Variants in TGM4 observed in about 807,000 individuals in gnomAD.
TGM4 encodes the protein transglutaminase 4.
Under a neutral mutation model 76.3 loss-of-function variants are expected in TGM4, and 61 were observed. The ratio of observed to expected loss-of-function variants is 0.80; its 90% CI spans 0.65 to 0.99. The LOEUF is 0.99. Ranked by LOEUF, TGM4 falls within the 50% of genes least tolerant of loss-of-function variation. The pLI is 0.00. For missense variants in TGM4, 794 were observed against 843.2 expected, an observed-to-expected ratio of 0.94 and a Z score of 0.72; for synonymous variants, 337 against 329.8, an observed-to-expected ratio of 1.02 and a Z score of -0.24.
At chr3:44,881,254 C>G (rs1699528383) in intron 1 of TGM4, among the ~76,000 whole-genome samples, 1 of 151,752 alleles carries the variant, frequency 6.6e-6, no homozygotes, top group African/African-American at 2.4e-5. Flanking sequence ...TATTTTTTGT[C>G]CTGATCATTT....
intron 3 of TGM4, chr3:44,888,584 CATGAAA>C (rs1575715157): frequency 3.3e-5 from 5 of 152,304 alleles, no homozygotes; most frequent in Admixed American, 6.5e-5. Context: ...TTCAGGGTAT[CATGAAA>C]ATCTCTCCTG....
In TGM4 at chr3:44,913,966, T is replaced by C; in HGVS notation, c.*241T>C. 1 of 432,170 alleles carries C rather than the reference T, an allele frequency of 2.3e-6. No individual in the cohort carries two copies. The allele number at this position is 432,170 out of a possible 1,614,324, so 26.8% of individuals were successfully genotyped here. ...CCGAGGCCACAGAATCCCATCCCTT[T>C]CCTGAGTCATGGCCTCAAAAATCAG... On this transcript the variant is annotated 3_prime_UTR_variant, in exon 14 of 14. Transcript: ENST00000296125.
chr3:44,891,268 T>C (rs1372634812), intron 4 of TGM4, among the ~76,000 whole-genome samples: 1 of 152,170 alleles, frequency 6.6e-6, no homozygotes, highest in Non-Finnish European at 1.5e-5. Flanking sequence ...TGCGGCACAT[T>C]CTATGTCAAC....
intron 6 of TGM4, among the ~76,000 whole-genome samples, chr3:44,900,366 G>C (rs1699836764): frequency 6.6e-6 from 1 of 152,186 alleles, no homozygotes; most frequent in South Asian, 2.1e-4. Context: ...TCTTGAGTCT[G>C]GCGGTGGCCT....
At position 44,913,902 on chromosome 3, in the gene TGM4, C is replaced by T; in HGVS notation, c.*177C>T. On this transcript the variant is annotated 3_prime_UTR_variant, in exon 14 of 14. Transcript: ENST00000296125. ...CAGACCCACAAGGCCAGGTCCTGTGCTATCACAGGGTCACCTCTTTTACAG... is the reference window on the plus strand; with the variant it reads ...CAGACCCACAAGGCCAGGTCCTGTGTTATCACAGGGTCACCTCTTTTACAG... The T allele has an allele frequency of 1.3e-6, 1 of 753,912 alleles. No individual in the cohort carries two copies. The highest frequency in any genetic ancestry group is 2.1e-6 in the Non-Finnish European group (1 of 483,946). The allele number at this position is 753,912 out of a possible 1,614,324, so 46.7% of individuals were successfully genotyped here. A position where few individuals can be genotyped will look rare whatever the true frequency, so the allele number is the denominator to read the frequency against.
intron 13 of TGM4, among the ~76,000 whole-genome samples, chr3:44,912,276 T>C (rs1202855897): frequency 6.6e-6 from 1 of 152,248 alleles, no homozygotes; most frequent in African/African-American, 2.4e-5. Context: ...TCTTATGCTT[T>C]TTCTAGAATT....
chr3:44,901,702 A>G lies in TGM4; in HGVS notation c.832+4A>G, dbSNP rs374296031. 308 of 1,613,368 alleles carry G rather than the reference A, an allele frequency of 1.9e-4. No individual in the cohort carries two copies. The highest frequency in any genetic ancestry group is 2.3e-4 in the Non-Finnish European group (269 of 1,179,384). The stretch of plus-strand genomic sequence containing the variant: ...TTTGCTGGGATCCTGACTACAGGTA[A>G]GTGGCAGATCCAGGGGCTGAGGGGA... On this transcript the variant is annotated splice_donor_region_variant and intron_variant, in intron 7 of 13. Coordinates refer to ENST00000296125, the MANE Select transcript of TGM4 (RefSeq NM_003241.4).
intron 9 of TGM4, among the ~76,000 whole-genome samples, chr3:44,904,443 T>C (rs1195141189): frequency 1.3e-5 from 2 of 152,126 alleles, no homozygotes; most frequent in African/African-American, 4.8e-5. Context: ...TCTCAGCTGG[T>C]TATGGGTTAC....
chr3:44,908,378 T>TG (rs1259165432), intron 10 of TGM4, among the ~76,000 whole-genome samples: 5 of 151,998 alleles, frequency 3.3e-5, no homozygotes, highest in African/African-American at 1.2e-4. Context: ...AGGAGTGTTT[T>TG]TTTTTGTTTT....
chr3:44,877,522 TTCA>T (rs1044887965), intron 1 of TGM4, among the ~76,000 whole-genome samples: 22 of 151,824 alleles, frequency 1.4e-4, no homozygotes, highest in African/African-American at 5.1e-4. Context: ...GCTACTCAGG[TTCA>T]AGGCTGCAGT....
rs532206023 is a variant in TGM4 at position 44,914,353 on chromosome 3, C to G, written c.*628C>G. Reference sequence around the variant, plus strand: ...ACCCTGTCCTCAGGCCTGAACTCACCATAGAGACCCATGTCAGCAAACGGT... The same window carrying G: ...ACCCTGTCCTCAGGCCTGAACTCACGATAGAGACCCATGTCAGCAAACGGT... On this transcript the variant is annotated 3_prime_UTR_variant, in exon 14 of 14. Coordinates refer to ENST00000296125, the MANE Select transcript of TGM4 (RefSeq NM_003241.4). 1 of 152,382 alleles carries G rather than the reference C, an allele frequency of 6.6e-6. No homozygotes were observed. Among genetic ancestry groups the G allele is most frequent in the African/African-American group, 2.4e-5 (1 of 41,444 alleles). The allele number at this position is 152,382 out of a possible 1,614,324, so 9.4% of individuals were successfully genotyped here.
In TGM4 at chr3:44,901,513, G is replaced by T; in HGVS notation, c.658-11G>T. The T allele has an allele frequency of 6.3e-7, 1 of 1,598,440 alleles. No homozygotes were observed. Among genetic ancestry groups the T allele is most frequent in the Non-Finnish European group, 8.6e-7 (1 of 1,169,226 alleles). On this transcript the variant is annotated splice_polypyrimidine_tract_variant and intron_variant, in intron 6 of 13. Coordinates refer to ENST00000296125, the MANE Select transcript of TGM4 (RefSeq NM_003241.4). ...GGGCGGACACTGACCCCACCCCTAC[G>T]TGTGTGGCAGATGAGCTTTGAGAAA...
chr3:44,885,474 C>T lies in TGM4; in HGVS notation c.169C>T (p.Gln57Ter), dbSNP rs552193015. The T allele has an allele frequency of 1.6e-5, 25 of 1,611,944 alleles. No homozygotes were observed. Among genetic ancestry groups the T allele is most frequent in the African/African-American group, 8.0e-5 (6 of 74,968 alleles). ...VLNQPLQSYH[Q>*]LKLEFSTGPN... ...GAACCAGCCCCTACAATCCTACCACCAACTGAAACTGGAATTCAGCACAGG... is the reference window on the plus strand; with the variant it reads ...GAACCAGCCCCTACAATCCTACCACTAACTGAAACTGGAATTCAGCACAGG... Residue 57 changes from glutamine (Q) to a stop codon, truncating the protein, a stop_gained, in exon 2 of 14, where the codon CAA (glutamine) becomes TAA (stop). Transcript: ENST00000296125. LOFTEE classifies it high-confidence loss of function.
At chr3:44,881,110 G>T (rs988662142) in intron 1 of TGM4, among the ~76,000 whole-genome samples, 27 of 151,802 alleles carry the variant, frequency 1.8e-4, no homozygotes, top group African/African-American at 6.6e-4. Context: ...AGGCTGAAGT[G>T]GGAGGATCCC....
intron 6 of TGM4, chr3:44,899,593 T>G (rs1239700644): frequency 6.6e-6 from 1 of 152,250 alleles, no homozygotes; most frequent in Non-Finnish European, 1.5e-5. Context: ...AGGCAGAGCT[T>G]CTGGCAGGGT....
rs552086662 is a variant in TGM4 at position 44,905,518 on chromosome 3, A to T, written c.1076-1431A>T. ...GCCTCATCCCAAGGATAGCAAATTC[A>T]TCTGCCCACAGGGCCAGAGAGTGAA... On this transcript the variant is annotated intron_variant, in intron 9 of 13. Transcript: ENST00000296125. Among the ~76,000 whole-genome samples the T allele has an allele frequency of 3.9e-5, 6 of 152,330 alleles. 1 individual carries two copies. Among genetic ancestry groups the T allele is most frequent in the African/African-American group, 1.4e-4 (6 of 41,584 alleles).
chr3:44,877,379 C>T (rs1011283175), intron 1 of TGM4, among the ~76,000 whole-genome samples: 1 of 151,970 alleles, frequency 6.6e-6, no homozygotes, highest in Non-Finnish European at 1.5e-5. Flanking sequence ...ACCTGGGAGG[C>T]GGAGGCTGCA....
At chr3:44,896,589 G>A in intron 5 of TGM4, 120 bp from the exon 6 acceptor site, 6 of 829,588 alleles carry the variant, frequency 7.2e-6, no homozygotes, top group African/African-American at 1.7e-5. Context: ...TTATGAGACT[G>A]TAGGCAGGGG....
At chr3:44,889,096 A>C in intron 3 of TGM4, 1 of 149,858 alleles carries the variant, frequency 6.7e-6, no homozygotes, top group Non-Finnish European at 1.5e-5. Context: ...AGGTTAAGTA[A>C]TCAGCCAAGG....
Sources: gnomAD v4.1 joint callset for allele counts (sites outside exome capture counted in the v4.1 genomes callset) on GRCh38, gnomAD v4.1.1 for gene constraint, MANE v1.5 for transcripts, NCBI Gene and HGNC (gene_info 2026-07-23, HGNC 2026-07-21) for gene names.